Variants in STARD7 observed in about 807,000 individuals in gnomAD.
STARD7 encodes stAR-related lipid transfer protein 7, mitochondrial.
STARD7 carries 30 observed loss-of-function variants against 45.3 expected under a neutral mutation model. The observed-to-expected ratio is 0.66, with a 90% CI of 0.50 to 0.90. STARD7 has a LOEUF of 0.90. Among genes scored for constraint, STARD7 ranks in the 40% least tolerant of loss-of-function variants. The pLI, the probability that STARD7 is intolerant of heterozygous loss-of-function variation, is 0.00. For missense variants in STARD7, 495 were observed against 491.3 expected, an observed-to-expected ratio of 1.01 and a Z score of -0.07; for synonymous variants, 199 against 183.0, an observed-to-expected ratio of 1.09 and a Z score of -0.70.
intron 1 of STARD7, among the ~76,000 whole-genome samples, chr2:96,201,409 T>TAAAACA (rs1553432561): frequency 9.1e-6 from 1 of 109,622 alleles, no homozygotes; most frequent in African/African-American, 3.6e-5. Flanking sequence ...ACTCCACCTC[T>TAAAACA]AAAAAAAAAA....
chr2:96,201,391 C>G (rs561811432), intron 1 of STARD7, among the ~76,000 whole-genome samples: 1 of 129,830 alleles, frequency 7.7e-6, no homozygotes. Flanking sequence ...GCCTGGGCAA[C>G]ATGCAAAACT....
At chr2:96,205,298 C>T (rs1297622220) in intron 1 of STARD7, among the ~76,000 whole-genome samples, 4 of 152,132 alleles carry the variant, frequency 2.6e-5, no homozygotes, top group African/African-American at 9.7e-5. Flanking sequence ...GCACAAAAGA[C>T]GAGAAGACAA....
At chr2:96,192,598 T>A in intron 5 of STARD7, 130 bp from the exon 6 acceptor site, 1 of 691,206 alleles carries the variant, frequency 1.4e-6, no homozygotes, top group Non-Finnish European at 2.5e-6. Flanking sequence ...AAGGAGTCAC[T>A]AAGATGAATA....
rs754610941 is a variant in STARD7 at position 96,208,285 on chromosome 2, G to C, written c.150C>G (p.Ser50=). 3.1e-6 allele frequency: 5 copies of C among 1,610,854 alleles called. No individual in the cohort carries two copies. The highest frequency in any genetic ancestry group is 4.5e-5 in the East Asian group (2 of 44,806). ...QIAQLYGRLY[S]ESSRRVLLGR... Reference sequence around the variant, plus strand: ...CGAGGAGAACGCGGCGTGAGCTCTCGGAGTAGAGGCGGCCGTAGAGCTGCG... The same window carrying C: ...CGAGGAGAACGCGGCGTGAGCTCTCCGAGTAGAGGCGGCCGTAGAGCTGCG... The change falls in exon 1 of 8, where the codon TCC becomes TCG. Residue 50 remains serine, a synonymous_variant. Transcript: ENST00000337288.
intron 6 of STARD7, among the ~76,000 whole-genome samples, chr2:96,190,335 CTT>C (rs1253428303): frequency 5.5e-4 from 72 of 131,664 alleles, no homozygotes; most frequent in Admixed American, 1.3e-3. Context: ...AAGTCTGTGT[CTT>C]TTTTTTTTTT....
At chr2:96,187,353 C>G in intron 6 of STARD7, 52 bp from the exon 7 acceptor site, 1 of 1,118,236 alleles carries the variant, frequency 8.9e-7, no homozygotes, top group Non-Finnish European at 1.4e-6. Flanking sequence ...CAACCACAAC[C>G]TCCATATCCA....
intron 2 of STARD7, 48 bp downstream of exon 2, chr2:96,195,293 T>A (rs747590069): frequency 2.1e-6 from 3 of 1,436,068 alleles, no homozygotes; most frequent in South Asian, 2.5e-5. Flanking sequence ...AGAAATCCCA[T>A]GCACCTGTGC....
rs772432796 is a variant in STARD7, at chr2:96,186,882, C to T, written c.961G>A (p.Ala321Thr). 1.2e-6 allele frequency: 2 copies of T among 1,613,422 alleles called. No individual in the cohort carries two copies. The highest frequency in any genetic ancestry group is 1.7e-6 in the Non-Finnish European group (2 of 1,179,644). ...TCCATATTCTTGGCTTTCAGAGTGG[C>T]CATGTGCAGCTTCTCCAGGAAATCT... ...MPDFLEKLHM[A>T]TLKAKNMEIK... Residue 321 changes from alanine to threonine, a missense_variant, in exon 8 of 8, where the codon GCC becomes ACC. Ala to Thr is a moderately conservative substitution (Grantham distance 58). Transcript: ENST00000337288.
At chr2:96,202,804 T>C (rs968735912) in intron 1 of STARD7, among the ~76,000 whole-genome samples, 1 of 152,244 alleles carries the variant, frequency 6.6e-6, no homozygotes, top group Non-Finnish European at 1.5e-5. Flanking sequence ...TGGTGGAATG[T>C]CGTACTAAAA....
At position 96,195,199 on chromosome 2, in the gene STARD7, T is replaced by A. The variant is rs1683183053; in HGVS notation, c.499+142A>T. The stretch of plus-strand genomic sequence containing the variant: ...AAAGACAACACTGAGACATTTGTCA[T>A]CTGGGAGAAGAAAAACAATAAACAA... On this transcript the variant is annotated intron_variant, in intron 2 of 7. Transcript: ENST00000337288. The A allele has an allele frequency of 4.7e-6, 4 of 848,966 alleles. No homozygotes were observed. In the East Asian group the frequency reaches 1.1e-4, roughly 23 times the overall value. The allele number at this position is 848,966 out of a possible 1,614,324, so 52.6% of individuals were successfully genotyped here.
intron 1 of STARD7, among the ~76,000 whole-genome samples, chr2:96,196,493 A>T (rs1683209174): frequency 6.6e-6 from 1 of 151,822 alleles, no homozygotes; most frequent in South Asian, 2.1e-4. Context: ...ACAGAGTCTC[A>T]CTCTGTCACC....
chr2:96,194,826 T>A, intron 3 of STARD7, 132 bp downstream of exon 3: 2 of 718,842 alleles, frequency 2.8e-6, no homozygotes, highest in Non-Finnish European at 4.7e-6. Context: ...CTAAATGCTA[T>A]GCAATGTGGA....
chr2:96,190,856 G>C (rs1683115715), intron 6 of STARD7, among the ~76,000 whole-genome samples: 1 of 151,964 alleles, frequency 6.6e-6, no homozygotes, highest in Non-Finnish European at 1.5e-5. Context: ...GCCTGGCCCA[G>C]AGCTGTTTTA....
At chr2:96,195,619 G>C (rs1683190739) in intron 1 of STARD7, 70 bp from the exon 2 acceptor site, 1 of 1,235,076 alleles carries the variant, frequency 8.1e-7, no homozygotes. Context: ...CCACACAAAG[G>C]TCTGTGCAAG....
At chr2:96,190,651 T>A (rs1197407960) in intron 6 of STARD7, among the ~76,000 whole-genome samples, 1 of 149,360 alleles carries the variant, frequency 6.7e-6, no homozygotes, top group African/African-American at 2.4e-5. Context: ...TTATTTTTTA[T>A]TTTTTTTTTG....
chr2:96,194,959 T>C lies in STARD7; in HGVS notation c.548A>G (p.Gln183Arg). ...DVTPRQFFNVQLDTEYRKKWD... is the reference protein window; with the variant it reads ...DVTPRQFFNVRLDTEYRKKWD... ...ATCTGGAGAGAAAAATTAACTCACCTGAACATTGAAGAACTGCCGAGGTGT... is the reference window on the plus strand; with the variant it reads ...ATCTGGAGAGAAAAATTAACTCACCCGAACATTGAAGAACTGCCGAGGTGT... Residue 183 changes from glutamine (Q) to arginine (R), a missense_variant and splice_region_variant, in exon 3 of 8, where the codon CAG (glutamine) becomes CGG (arginine). By Grantham distance (43) the Gln-to-Arg change is conservative. Transcript: ENST00000337288. 2 of 1,609,194 alleles carry C rather than the reference T, an allele frequency of 1.2e-6. No individual in the cohort carries two copies. The highest frequency in any genetic ancestry group is 1.7e-6 in the Non-Finnish European group (2 of 1,177,804).
intron 5 of STARD7, 51 bp downstream of exon 5, chr2:96,193,027 G>A (rs1287167331): frequency 8.8e-6 from 12 of 1,358,892 alleles, no homozygotes; most frequent in Non-Finnish European, 1.2e-5. Flanking sequence ...ACGTAGGAAT[G>A]AAGGCCACAG....
intron 6 of STARD7, among the ~76,000 whole-genome samples, chr2:96,188,608 G>A (rs1037001538): frequency 6.6e-6 from 1 of 151,670 alleles, no homozygotes; most frequent in African/African-American, 2.4e-5. Context: ...TTTGGGCTGG[G>A]TGTGGTGGCT....
chr2:96,190,655 T>TA (rs1683112539), intron 6 of STARD7, among the ~76,000 whole-genome samples: 1 of 151,962 alleles, frequency 6.6e-6, no homozygotes, highest in South Asian at 2.1e-4. Flanking sequence ...TTTTTATTTT[T>TA]TTTTTGAGAA....
Sources: allele counts gnomAD v4.1 joint callset (sites outside exome capture counted in the v4.1 genomes callset), GRCh38; gene constraint gnomAD v4.1.1; transcripts MANE v1.5; gene names NCBI Gene and HGNC (gene_info 2026-07-23, HGNC 2026-07-21).